STK33: variants seen among roughly 807,000 people sequenced by gnomAD.
STK33 encodes serine/threonine kinase 33.
In STK33, 52 loss-of-function variants were observed where a neutral mutation model predicts 58.0. That is an observed-to-expected ratio of 0.90 (90% CI 0.72 to 1.13). The LOEUF is 1.13. STK33 is among the 50% of genes most tolerant of loss of function. The pLI is 0.00. For missense variants in STK33, 630 were observed against 604.2 expected (o/e 1.04, Z -0.45); for synonymous variants, 215 against 200.1 (o/e 1.07, Z -0.63).
At chr11:8,403,530 A>G (rs2135381910) in intron 15 of STK33, among the ~76,000 whole-genome samples, 1 of 152,338 alleles carries the variant, frequency 6.6e-6, no homozygotes, top group African/African-American at 2.4e-5. Context: ...TGCTGCATTC[A>G]GGACGGTTAC....
At chr11:8,384,695 G>A in the STK33 span, among the ~76,000 whole-genome samples, 4 of 152,184 alleles carry the variant, frequency 2.6e-5, no homozygotes, top group Non-Finnish European at 5.9e-5. Flanking sequence ...CTGCTTCGGC[G>A]ATCACAAAGG....
intron 1 of STK33, among the ~76,000 whole-genome samples, chr11:8,583,220 C>A (rs2030751771): frequency 6.6e-6 from 1 of 152,152 alleles, no homozygotes; most frequent in South Asian, 2.1e-4. Context: ...GTCATACCTC[C>A]TAGAGGTTGT....
At chr11:8,535,814 T>C (rs1206822498) in intron 1 of STK33, among the ~76,000 whole-genome samples, 1 of 152,130 alleles carries the variant, frequency 6.6e-6, no homozygotes, top group Non-Finnish European at 1.5e-5. Context: ...TTATTCACAA[T>C]AGTAATGATA....
intron 1 of STK33, among the ~76,000 whole-genome samples, chr11:8,557,257 A>AAGGGAAGGG (rs1956807748): frequency 1.7e-4 from 3 of 17,960 alleles, no homozygotes; most frequent in Non-Finnish European, 2.8e-4. Flanking sequence ...TGGGGAAGGG[A>AAGGGAAGGG]AGGGGAGGGG....
At chr11:8,473,037 A>G (rs1948927717) in intron 6 of STK33, 126 bp downstream of exon 6, 1 of 597,676 alleles carries the variant, frequency 1.7e-6, no homozygotes, top group East Asian at 2.7e-5. Flanking sequence ...ATACTTGAAA[A>G]TGGTACATTT....
At chr11:8,483,751 G>A (rs1021382148) in intron 1 of STK33, among the ~76,000 whole-genome samples, 4 of 152,150 alleles carry the variant, frequency 2.6e-5, no homozygotes, top group African/African-American at 7.2e-5. Context: ...AAAATTTAGT[G>A]ACAAATTCAC....
chr11:8,539,615 G>A (rs1955344732), intron 1 of STK33, among the ~76,000 whole-genome samples: 3 of 152,160 alleles, frequency 2.0e-5, no homozygotes, highest in Admixed American at 2.0e-4. Flanking sequence ...AATAGTTTCG[G>A]ATTGCAGCAG....
chr11:8,410,992 A>C (rs1940144551), intron 15 of STK33, among the ~76,000 whole-genome samples: 1 of 152,242 alleles, frequency 6.6e-6, no homozygotes, highest in African/African-American at 2.4e-5. Context: ...CTTATGAATA[A>C]TGAAAGCATA....
intron 1 of STK33, among the ~76,000 whole-genome samples, chr11:8,533,880 G>T (rs1442385519): frequency 6.6e-6 from 1 of 152,194 alleles, no homozygotes; most frequent in African/African-American, 2.4e-5. Context: ...GATAATATTT[G>T]TCCAGTCATG....
intron 1 of STK33, among the ~76,000 whole-genome samples, chr11:8,499,184 C>G (rs1951307565): frequency 6.6e-6 from 1 of 152,122 alleles, no homozygotes. Flanking sequence ...ATCTACCTAT[C>G]TGACAAAGGG....
At chr11:8,418,568 G>T (rs1244305363) in intron 14 of STK33, among the ~76,000 whole-genome samples, 1 of 152,078 alleles carries the variant, frequency 6.6e-6, no homozygotes, top group Non-Finnish European at 1.5e-5. Context: ...ATGTGTTTAT[G>T]GCAGACTGAT....
chr11:8,575,519 C>T (rs747168011), intron 1 of STK33, among the ~76,000 whole-genome samples: 9 of 152,064 alleles, frequency 5.9e-5, no homozygotes, highest in African/African-American at 2.2e-4. Flanking sequence ...TTGTATAATT[C>T]TATTTATATG....
chr11:8,510,590 G>A (rs902170295), intron 1 of STK33, among the ~76,000 whole-genome samples: 1 of 152,118 alleles, frequency 6.6e-6, no homozygotes, highest in Admixed American at 6.5e-5. Flanking sequence ...CCAATGTCTA[G>A]AAGAGTCTTT....
intron 1 of STK33, among the ~76,000 whole-genome samples, chr11:8,591,329 T>C (rs2032554593): frequency 6.6e-6 from 1 of 152,228 alleles, no homozygotes. Context: ...GATTTGCTAA[T>C]ATTACAAAAT....
the STK33 span, among the ~76,000 whole-genome samples, chr11:8,357,244 C>A: frequency 6.6e-6 from 1 of 152,224 alleles, no homozygotes; most frequent in Non-Finnish European, 1.5e-5. Flanking sequence ...TAGCAGCGCG[C>A]GGCGCGATTA....
chr11:8,343,515 T>A, the STK33 span, among the ~76,000 whole-genome samples: 3 of 152,136 alleles, frequency 2.0e-5, no homozygotes, highest in South Asian at 6.2e-4. Context: ...CCAGACCACA[T>A]AAAGTACTGC....
intron 1 of STK33, among the ~76,000 whole-genome samples, chr11:8,523,039 C>T (rs1200821196): frequency 2.6e-5 from 4 of 152,244 alleles, no homozygotes; most frequent in Admixed American, 6.5e-5. Flanking sequence ...AGTGATCTGC[C>T]AGCCTCGGCC....
At chr11:8,498,846 T>A (rs1388314497) in intron 1 of STK33, among the ~76,000 whole-genome samples, 2 of 152,192 alleles carry the variant, frequency 1.3e-5, no homozygotes, top group Non-Finnish European at 2.9e-5. Context: ...ATTCCCTATT[T>A]AATAAATGGT....
intron 8 of STK33, 127 bp downstream of exon 8, chr11:8,461,678 T>C: frequency 1.8e-6 from 1 of 551,970 alleles, no homozygotes; most frequent in Non-Finnish European, 3.0e-6. Flanking sequence ...TTCTCATCAA[T>C]CTCCAGTGAC....
Sources: gnomAD v4.1 joint callset for allele counts (sites outside exome capture counted in the v4.1 genomes callset) on GRCh38, gnomAD v4.1.1 for gene constraint, MANE v1.5 for transcripts, NCBI Gene and HGNC (gene_info 2026-07-23, HGNC 2026-07-21) for gene names.